ADGRG7: variants seen among roughly 807,000 people sequenced by gnomAD.
ADGRG7 encodes G-protein coupled receptor 128.
A neutral mutation model predicts 88.6 loss-of-function variants in ADGRG7; 82 were observed. That is an observed-to-expected ratio of 0.93 (90% CI 0.77 to 1.11). The LOEUF (loss-of-function observed/expected upper bound fraction) is 1.11, where lower values mean the gene tolerates loss of function less well. Ranked by LOEUF, ADGRG7 falls within the 50% of genes most tolerant of loss-of-function variation. ADGRG7 has a pLI of 0.00. For synonymous variants in ADGRG7, 381 were observed against 345.2 expected (o/e 1.10, Z -1.15); for missense variants, 945 against 953.4 (o/e 0.99, Z 0.12).
Position 100,629,644 on chromosome 3 carries a change from T to C in ADGRG7, c.162T>C (p.Asn54=). ...SSSTPTEFCR[N]GGTWENGRCI... ...GCACCCCTACAGAGTTCTGCAGGAA[T>C]GGTGGAACCTGGGAAAATGGCAGAT... Residue 54 remains asparagine (N), a synonymous_variant, in exon 2 of 16, where the codon AAT becomes AAC. Transcript: ENST00000273352. 6.2e-7 allele frequency: 1 copy of C among 1,613,390 alleles called. No homozygotes were observed. Among genetic ancestry groups the C allele is most frequent in the East Asian group, 2.2e-5 (1 of 44,842 alleles).
intron 1 of ADGRG7, among the ~76,000 whole-genome samples, chr3:100,613,455 G>T (rs1707183589): frequency 6.6e-6 from 1 of 151,462 alleles, no homozygotes; most frequent in Non-Finnish European, 1.5e-5. Context: ...GTGTTCTTTT[G>T]TCTTAATCCT....
rs145749026 is a variant in ADGRG7 at position 100,667,864 on chromosome 3, C to T, written c.1980-1085C>T. ...AAAAAAAGAGCTCCTGCAGCTAGTT[C>T]GGTGTCTGCCCAATTGGCCGCCCAG... On this transcript the variant is annotated intron_variant, in intron 14 of 15. Coordinates refer to ENST00000273352, the MANE Select transcript of ADGRG7 (RefSeq NM_032787.3). Among the ~76,000 whole-genome samples the T allele has an allele frequency of 3.4e-3, 517 of 152,156 alleles. 6 individuals carry two copies. The highest frequency in any genetic ancestry group is 5.1e-3 in the Non-Finnish European group (345 of 68,006).
intron 1 of ADGRG7, among the ~76,000 whole-genome samples, chr3:100,618,400 A>G (rs1414722040): frequency 2.6e-5 from 4 of 152,172 alleles, no homozygotes; most frequent in Admixed American, 6.6e-5. Flanking sequence ...TGTATAAGGT[A>G]TAAGCAAGGG....
intron 14 of ADGRG7, 127 bp from the exon 15 acceptor site, chr3:100,668,822 C>T (rs913167201): frequency 3.6e-6 from 2 of 551,628 alleles, no homozygotes; most frequent in South Asian, 7.3e-5. Flanking sequence ...CCACCTGGGG[C>T]ATAATATTGT....
intron 3 of ADGRG7, among the ~76,000 whole-genome samples, chr3:100,632,147 A>C (rs533165107): frequency 5.3e-5 from 8 of 152,254 alleles, no homozygotes; most frequent in African/African-American, 1.9e-4. Context: ...TGTGCTACTG[A>C]ATTAGGAAGA....
rs777647174 is a variant in ADGRG7, at chr3:100,643,275, G to C, written c.708G>C (p.Glu236Asp). ...ANDDALTTLI[E>D]QMETYSLSLG... Reference sequence around the variant, plus strand: ...GTTTTATTATATGCAGGCTTATTGAGCAAATGGAGACTTATTCCTTGTCTT... The same window carrying C: ...GTTTTATTATATGCAGGCTTATTGACCAAATGGAGACTTATTCCTTGTCTT... The change falls in exon 7 of 16, where the codon GAG becomes GAC. Residue 236 changes from glutamate to aspartate, a missense_variant. Glu to Asp is a conservative substitution (Grantham distance 45). Coordinates refer to ENST00000273352, the MANE Select transcript of ADGRG7 (RefSeq NM_032787.3). 4 of 1,613,012 alleles carry C rather than the reference G, an allele frequency of 2.5e-6. No individual in the cohort carries two copies. In the South Asian group the frequency reaches 4.4e-5, roughly 18 times the overall value.
intron 1 of ADGRG7, among the ~76,000 whole-genome samples, chr3:100,620,234 G>A (rs1319498179): frequency 6.6e-6 from 1 of 152,138 alleles, no homozygotes; most frequent in Non-Finnish European, 1.5e-5. Context: ...TTCATCCCTG[G>A]GATGCAAGGC....
intron 9 of ADGRG7, chr3:100,646,326 AG>A: frequency 1.7e-6 from 1 of 603,478 alleles, no homozygotes; most frequent in South Asian, 2.3e-5. Context: ...ACTCTTCAAA[AG>A]GTTCTTTGAT....
At chr3:100,656,628 C>G (rs955507648) in intron 13 of ADGRG7, among the ~76,000 whole-genome samples, 18 of 152,166 alleles carry the variant, frequency 1.2e-4, no homozygotes, top group Admixed American at 5.9e-4. Context: ...ATATGCATTT[C>G]TGCTACCAAA....
rs142915989 is a variant in ADGRG7, at chr3:100,673,818, T to C, written c.2136+4713T>C. ...TTGTTGATCTTTTCAAAAAACCAGCTCCTGGATTCATTGATTTTTAAAAGG... is the reference window on the plus strand; with the variant it reads ...TTGTTGATCTTTTCAAAAAACCAGCCCCTGGATTCATTGATTTTTAAAAGG... On this transcript the variant is annotated intron_variant, in intron 15 of 15. Coordinates refer to ENST00000273352, the MANE Select transcript of ADGRG7 (RefSeq NM_032787.3). 3.1e-3 allele frequency among the ~76,000 whole-genome samples: 471 copies of C among 152,338 alleles called. 3 individuals are homozygous for C. Among genetic ancestry groups the C allele is most frequent in the African/African-American group, 0.011 (451 of 41,582 alleles).
chr3:100,646,504 T>C (rs1559678380), intron 9 of ADGRG7, 65 bp from the exon 10 acceptor site: 1 of 1,332,314 alleles, frequency 7.5e-7, no homozygotes, highest in Non-Finnish European at 1.1e-6. Flanking sequence ...CTTATACTAC[T>C]TGATTTTTTT....
intron 12 of ADGRG7, 103 bp downstream of exon 12, chr3:100,655,284 A>C: frequency 1.3e-6 from 1 of 764,596 alleles, no homozygotes. Flanking sequence ...TGACGTAATT[A>C]AGAGGAGATA....
At chr3:100,613,438 A>C (rs1225358566) in intron 1 of ADGRG7, among the ~76,000 whole-genome samples, 2 of 152,064 alleles carry the variant, frequency 1.3e-5, no homozygotes, top group African/African-American at 2.4e-5. Context: ...GGTTTTAGGC[A>C]GCTATAGTGT....
intron 15 of ADGRG7, among the ~76,000 whole-genome samples, chr3:100,689,566 C>T (rs568945251): frequency 4.6e-5 from 7 of 152,164 alleles, no homozygotes; most frequent in African/African-American, 1.4e-4. Flanking sequence ...TTAGGACAGG[C>T]CTGGTAGTGA....
In ADGRG7 at chr3:100,643,329, CAT is replaced by C; in HGVS notation, c.764_765del (p.Ile255SerfsTer27). ...LGNQSVVEPN[I>X]AIQSANFSSE... ...GTAATCAATCAGTGGTGGAACCTAA[CAT>C]AGCAATACAGTCAGCAAATTTCTCT... On this transcript the variant is annotated frameshift_variant, in exon 7 of 16. Transcript: ENST00000273352. LOFTEE classifies it high-confidence loss of function. 6.2e-7 allele frequency: 1 copy of C among 1,614,038 alleles called. No homozygotes were observed. Among genetic ancestry groups the C allele is most frequent in the Non-Finnish European group, 8.5e-7 (1 of 1,179,900 alleles).
chr3:100,642,018 A>G (rs1483813156), intron 6 of ADGRG7, among the ~76,000 whole-genome samples: 1 of 152,240 alleles, frequency 6.6e-6, no homozygotes, highest in Non-Finnish European at 1.5e-5. Flanking sequence ...AGTTATGACA[A>G]GAGGAGGAAA....
At position 100,632,941 on chromosome 3, in the gene ADGRG7, T is replaced by C. The variant is rs188010074; in HGVS notation, c.335-324T>C. On this transcript the variant is annotated intron_variant, in intron 3 of 15. Coordinates refer to ENST00000273352, the MANE Select transcript of ADGRG7 (RefSeq NM_032787.3). ...TCATAAAGCAGTCAAGATCAACATATAATTCAGTATCTATTAGGAATTTTT... is the reference window on the plus strand; with the variant it reads ...TCATAAAGCAGTCAAGATCAACATACAATTCAGTATCTATTAGGAATTTTT... Among the ~76,000 whole-genome samples the C allele has an allele frequency of 1.2e-3, 180 of 152,326 alleles. 1 individual carries two copies. Among genetic ancestry groups the C allele is most frequent in the Middle Eastern group, 0.01 (3 of 294 alleles).
At chr3:100,620,548 G>A (rs1464853471) in intron 1 of ADGRG7, among the ~76,000 whole-genome samples, 1 of 152,198 alleles carries the variant, frequency 6.6e-6, no homozygotes, top group Non-Finnish European at 1.5e-5. Context: ...AGTGTTGGAA[G>A]TTCTGGCCAG....
chr3:100,659,742 G>T lies in ADGRG7; in HGVS notation c.1878G>T (p.Trp626Cys). 1 of 1,614,052 alleles carries T rather than the reference G, an allele frequency of 6.2e-7. No homozygotes were observed. Among genetic ancestry groups the T allele is most frequent in the Non-Finnish European group, 8.5e-7 (1 of 1,179,972 alleles). The change falls in exon 14 of 16, where the codon TGG (tryptophan) becomes TGT (cysteine). Residue 626 changes from tryptophan to cysteine, a missense_variant. Physicochemically the swap from Trp to Cys is radical, Grantham distance 215. Transcript: ENST00000273352. ...PNGVIKSPLL[W>C]SFIVPVTIIL... is the part of the protein sequence containing the mutation. The stretch of plus-strand genomic sequence containing the variant: ...GTGTTATAAAAAGTCCGCTGTTGTG[G>T]TCATTCATCGTACCTGTAACCATTA...
Sources: gnomAD v4.1 joint callset for allele counts (sites outside exome capture counted in the v4.1 genomes callset) on GRCh38, gnomAD v4.1.1 for gene constraint, MANE v1.5 for transcripts, NCBI Gene and HGNC (gene_info 2026-07-23, HGNC 2026-07-21) for gene names.